Variants in NUBPL observed in about 807,000 individuals in gnomAD.
NUBPL encodes the protein iron-sulfur cluster transfer protein NUBPL.
A neutral mutation model predicts 45.7 loss-of-function variants in NUBPL; 31 were observed. The observed-to-expected ratio is 0.68, with a 90% CI of 0.51 to 0.92. The LOEUF (loss-of-function observed/expected upper bound fraction) is 0.92, where lower values mean the gene tolerates loss of function less well. Among genes scored for constraint, NUBPL ranks in the 40% least tolerant of loss-of-function variants. NUBPL has a pLI of 0.00. For synonymous variants in NUBPL, 144 were observed against 140.9 expected (o/e 1.02, Z -0.15); for missense variants, 401 against 398.7 (o/e 1.01, Z -0.05).
intron 8 of NUBPL, 103 bp from the exon 9 acceptor site, chr14:31,846,368 T>A: frequency 1.1e-6 from 1 of 872,064 alleles, no homozygotes; most frequent in South Asian, 1.4e-5. Context: ...ATAACATTGA[T>A]GAGTGCCACT....
intron 3 of NUBPL, among the ~76,000 whole-genome samples, chr14:31,589,929 G>C (rs1270276345): frequency 3.3e-5 from 5 of 152,194 alleles, no homozygotes; most frequent in Admixed American, 2.6e-4. Flanking sequence ...GCAGCTTGCT[G>C]TCAGTAATTA....
At chr14:31,778,584 G>A (rs1946755175) in intron 6 of NUBPL, among the ~76,000 whole-genome samples, 1 of 152,200 alleles carries the variant, frequency 6.6e-6, no homozygotes, top group African/African-American at 2.4e-5. Flanking sequence ...CTTAGTCACT[G>A]TGAAGCTCTT....
chr14:31,604,369 TTTTCATG>T (rs1407240104), intron 4 of NUBPL, among the ~76,000 whole-genome samples: 1 of 152,172 alleles, frequency 6.6e-6, no homozygotes, highest in African/African-American at 2.4e-5. Context: ...ATTTCTACAT[TTTTCATG>T]TTAATTTATC....
intron 6 of NUBPL, among the ~76,000 whole-genome samples, chr14:31,696,510 C>G (rs1179855635): frequency 6.6e-6 from 1 of 152,078 alleles, no homozygotes; most frequent in Non-Finnish European, 1.5e-5. Context: ...TATTAACTTC[C>G]TCATCCCTGA....
chr14:31,761,283 C>G (rs1241157489), intron 6 of NUBPL, among the ~76,000 whole-genome samples: 1 of 152,106 alleles, frequency 6.6e-6, no homozygotes, highest in African/African-American at 2.4e-5. Flanking sequence ...AATTCCTGGG[C>G]TCAAGTGATT....
chr14:31,835,023 A>G (rs1480282134), intron 8 of NUBPL, among the ~76,000 whole-genome samples: 1 of 152,172 alleles, frequency 6.6e-6, no homozygotes, highest in African/African-American at 2.4e-5. Flanking sequence ...AAGGTAGACA[A>G]GTGAAGCCAG....
intron 4 of NUBPL, among the ~76,000 whole-genome samples, chr14:31,657,911 TA>T (rs1321007570): frequency 6.6e-6 from 1 of 152,094 alleles, no homozygotes; most frequent in Non-Finnish European, 1.5e-5. Context: ...AAGTCAGAAC[TA>T]ATAGAAGAAA....
Position 31,676,746 on chromosome 14 carries a change from CATTTTTT to C in NUBPL, c.513+3193_513+3199del, listed in dbSNP as rs1001662776. ...GACGTGTCTGTTCAAGTCTTCTACT[CATTTTTT>C]ATTTTTTATTTTTTATTTTTATTTA... On this transcript the variant is annotated intron_variant, in intron 6 of 10. Coordinates refer to ENST00000281081, the MANE Select transcript of NUBPL (RefSeq NM_025152.3). Among the ~76,000 whole-genome samples, 125 of 151,602 alleles carry C rather than the reference CATTTTTT, an allele frequency of 8.2e-4. 1 individual carries two copies. The South Asian group carries it at 8.3e-3, about 10-fold the overall frequency.
chr14:31,801,332 G>C (rs1034412411), intron 7 of NUBPL, among the ~76,000 whole-genome samples: 1 of 152,172 alleles, frequency 6.6e-6, no homozygotes, highest in Non-Finnish European at 1.5e-5. Context: ...AGGGCAGAGG[G>C]CATTTGGGCA....
At chr14:31,723,067 T>C (rs1323971828) in intron 6 of NUBPL, among the ~76,000 whole-genome samples, 1 of 152,232 alleles carries the variant, frequency 6.6e-6, no homozygotes, top group African/African-American at 2.4e-5. Context: ...AGGATTTTTA[T>C]AGCTTTTGAT....
chr14:31,627,469 G>C (rs1455454647), intron 4 of NUBPL, among the ~76,000 whole-genome samples: 1 of 151,930 alleles, frequency 6.6e-6, no homozygotes, highest in Middle Eastern at 3.2e-3. Flanking sequence ...TTTGGTCTCT[G>C]GAGTCTTTCA....
intron 8 of NUBPL, among the ~76,000 whole-genome samples, chr14:31,829,160 G>C (rs1482873040): frequency 1.3e-5 from 2 of 152,126 alleles, no homozygotes; most frequent in African/African-American, 4.8e-5. Context: ...CTTAGTGGGA[G>C]TAGAAATGAA....
intron 4 of NUBPL, among the ~76,000 whole-genome samples, chr14:31,652,910 G>A (rs1258718459): frequency 6.6e-6 from 1 of 152,104 alleles, no homozygotes; most frequent in African/African-American, 2.4e-5. Context: ...GAGAAATAAA[G>A]AGAAAGAGTA....
chr14:31,665,446 G>T (rs537315187), intron 4 of NUBPL, among the ~76,000 whole-genome samples: 15 of 152,274 alleles, frequency 9.9e-5, no homozygotes, highest in African/African-American at 3.6e-4. Flanking sequence ...TGGTTTCAAA[G>T]AACTGATTTA....
chr14:31,566,168 A>G (rs1226440793), intron 3 of NUBPL, among the ~76,000 whole-genome samples: 1 of 152,158 alleles, frequency 6.6e-6, no homozygotes, highest in Non-Finnish European at 1.5e-5. Context: ...CACATATGAA[A>G]AAATAATATG....
chr14:31,566,400 T>C (rs947365721), intron 3 of NUBPL, among the ~76,000 whole-genome samples: 1 of 152,222 alleles, frequency 6.6e-6, no homozygotes, highest in Non-Finnish European at 1.5e-5. Flanking sequence ...TAAGTTTCTC[T>C]AAAGTTGCGC....
chr14:31,671,902 A>G (rs2036579227), intron 4 of NUBPL, among the ~76,000 whole-genome samples: 1 of 152,130 alleles, frequency 6.6e-6, no homozygotes, highest in African/African-American at 2.4e-5. Context: ...CCTGAAGAAC[A>G]TATCTTGAAA....
chr14:31,692,065 A>C (rs2037106968), intron 6 of NUBPL, among the ~76,000 whole-genome samples: 1 of 152,216 alleles, frequency 6.6e-6, no homozygotes, highest in Non-Finnish European at 1.5e-5. Flanking sequence ...AGGATCTATT[A>C]GGAAAAATAG....
chr14:31,562,173 G>A lies in NUBPL; in HGVS notation c.214G>A (p.Val72Met). 2 of 1,614,100 alleles carry A rather than the reference G, an allele frequency of 1.2e-6. No individual in the cohort carries two copies. The highest frequency in any genetic ancestry group is 1.7e-6 in the Non-Finnish European group (2 of 1,179,968). Residue 72 changes from valine to methionine, a missense_variant, in exon 2 of 11, where the codon GTG (valine) becomes ATG (methionine). Val to Met is a conservative substitution (Grantham distance 21). Transcript: ENST00000281081. ...AGAAGGTGTTAAACAAGTTATAGTT[G>A]TGGCTTCTGGAAAGGGTGGAGTCGG... ...PIEGVKQVIV[V>M]ASGKGGVGKS... is the part of the protein sequence containing the mutation.
Sources: allele counts gnomAD v4.1 joint callset (sites outside exome capture counted in the v4.1 genomes callset), GRCh38; gene constraint gnomAD v4.1.1; transcripts MANE v1.5; gene names NCBI Gene and HGNC (gene_info 2026-07-23, HGNC 2026-07-21).